LRRC56: variants seen among roughly 807,000 people sequenced by gnomAD.
The protein encoded by LRRC56 is leucine rich repeat containing 56.
In LRRC56, 41 loss-of-function variants were observed where a neutral mutation model predicts 47.8. The observed-to-expected ratio is 0.86, with a 90% CI of 0.67 to 1.11. LRRC56 has a LOEUF of 1.11. Among genes scored for constraint, LRRC56 ranks in the 50% most tolerant of loss-of-function variants. The probability of loss-of-function intolerance (pLI) is 0.00; values close to 1 mark genes in which losing one functional copy is unlikely to be tolerated. For synonymous variants in LRRC56, 387 were observed against 311.2 expected (o/e 1.24, Z -2.56); for missense variants, 759 against 704.2 (o/e 1.08, Z -0.88).
the LRRC56 span, among the ~76,000 whole-genome samples, chr11:526,526 G>A: frequency 4.7e-4 from 71 of 152,316 alleles, no homozygotes; most frequent in Admixed American, 3.7e-3. Flanking sequence ...CTACGTCCTC[G>A]GGGGGCACGG....
In LRRC56 at chr11:552,659, G is replaced by A; in HGVS notation, c.1272G>A (p.Gln424=). The change falls in exon 13 of 14, where the codon CAG becomes CAA. Residue 424 remains glutamine (Q), a synonymous_variant. Coordinates refer to ENST00000270115, the MANE Select transcript of LRRC56 (RefSeq NM_198075.4). ...GGGTCCCTGAAGAGCAAGTGCACCA[G>A]GCAGAGCCCAAGACTCCCTCCAGCC... The part of the protein sequence containing the change: ...PRRVPEEQVH[Q]AEPKTPSSPP... 3.1e-6 allele frequency: 5 copies of A among 1,611,678 alleles called. No individual in the cohort carries two copies. The highest frequency in any genetic ancestry group is 3.4e-6 in the Non-Finnish European group (4 of 1,179,328).
At position 537,585 on chromosome 11, in the gene LRRC56, A is replaced by G. The variant is rs1851576404; in HGVS notation, c.-442A>G. 1 of 152,300 alleles carries G rather than the reference A, an allele frequency of 6.6e-6. No individual in the cohort carries two copies. Among genetic ancestry groups the G allele is most frequent in the South Asian group, 2.1e-4 (1 of 4,834 alleles). 9.4% of individuals were successfully genotyped at this position (152,300 alleles called of 1,614,324 possible). ...CCCAGGGCCGAGCTGCCAGGGCCGG[A>G]CACCTAGGCTGAGCCCTCAGGTGAG... is the stretch of plus-strand genomic sequence containing the variant. On this transcript the variant is annotated 5_prime_UTR_variant, in exon 1 of 14. Coordinates refer to ENST00000270115, the MANE Select transcript of LRRC56 (RefSeq NM_198075.4).
chr11:508,691 C>T, the LRRC56 span, among the ~76,000 whole-genome samples: 2 of 151,458 alleles, frequency 1.3e-5, no homozygotes, highest in African/African-American at 2.4e-5. Flanking sequence ...CGCTTGAACA[C>T]GGGAAGCAGA....
chr11:527,355 G>A, the LRRC56 span, among the ~76,000 whole-genome samples: 10 of 152,060 alleles, frequency 6.6e-5, no homozygotes, highest in Non-Finnish European at 1.2e-4. Context: ...AGCACCTTGC[G>A]CAGTGAACTC....
chr11:536,773 A>G (rs45586832), upstream of LRRC56: 14,578 of 152,314 alleles, frequency 0.096, 855 homozygotes, highest in South Asian at 0.19. Context: ...CAAAACAAAA[A>G]AGGCGTTTTA....
At chr11:548,567 C>T (rs750888439) in intron 6 of LRRC56, among the ~76,000 whole-genome samples, 2 of 152,220 alleles carry the variant, frequency 1.3e-5, no homozygotes, top group Non-Finnish European at 2.9e-5. Context: ...AAGCGATTCT[C>T]CTGCCTCAGC....
At chr11:518,912 T>A in the LRRC56 span, among the ~76,000 whole-genome samples, 2 of 142,974 alleles carry the variant, frequency 1.4e-5, no homozygotes, top group African/African-American at 5.3e-5. Flanking sequence ...CGGGGGGGCG[T>A]GTCTCCCGGT....
At chr11:527,833 T>C in the LRRC56 span, among the ~76,000 whole-genome samples, 1 of 152,032 alleles carries the variant, frequency 6.6e-6, no homozygotes, top group East Asian at 1.9e-4. Flanking sequence ...CCCAAGTAGC[T>C]GGGATTACAG....
Position 551,206 on chromosome 11 carries a change from GCC to G in LRRC56, c.701_702del (p.Ala234GlyfsTer43). On this transcript the variant is annotated frameshift_variant, in exon 9 of 14. Transcript: ENST00000270115. LOFTEE classifies it high-confidence loss of function. ...GCTGCAGGTCCTGGACGAAGTGCCG[GCC>G]GCACACACAGGCCCACCGGCCCCCC... is the stretch of plus-strand genomic sequence containing the variant. Reference protein sequence around the residue: ...PQLQVLDEVPAAHTGPPAPPR... With the variant: ...PQLQVLDEVPXAHTGPPAPPR... 6.5e-7 allele frequency: 1 copy of G among 1,547,224 alleles called. No homozygotes were observed. The highest frequency in any genetic ancestry group is 1.4e-5 in the African/African-American group (1 of 72,992).
At chr11:539,516 C>G (rs985073305) in intron 2 of LRRC56, 64 bp from the exon 3 acceptor site, 4 of 150,912 alleles carry the variant, frequency 2.7e-5, no homozygotes, top group African/African-American at 9.8e-5. Flanking sequence ...TCCCAAGTAG[C>G]TGGGACTACA....
chr11:543,208 G>GT (rs71022930), intron 5 of LRRC56, among the ~76,000 whole-genome samples: 81,524 of 148,974 alleles, frequency 0.55, 23,126 homozygotes, highest in African/African-American at 0.71. Flanking sequence ...CCTGTTTTTT[G>GT]TTTTTTTCAT....
In LRRC56 at chr11:552,599, A is replaced by T. The variant is rs1417198279; in HGVS notation, c.1212A>T (p.Gln404His). 6.2e-7 allele frequency: 1 copy of T among 1,609,166 alleles called. No individual in the cohort carries two copies. Among genetic ancestry groups the T allele is most frequent in the Non-Finnish European group, 8.5e-7 (1 of 1,178,260 alleles). Residue 404 changes from glutamine to histidine, a missense_variant, in exon 13 of 14, where the codon CAA (glutamine) becomes CAT (histidine). Coordinates refer to ENST00000270115, the MANE Select transcript of LRRC56 (RefSeq NM_198075.4). ...RPLPYRHPES[Q>H]QEGAVAPWGP... Reference sequence around the variant, plus strand: ...TCCCCTATAGGCACCCGGAGTCCCAACAGGAAGGGGCTGTAGCCCCCTGGG... The same window carrying T: ...TCCCCTATAGGCACCCGGAGTCCCATCAGGAAGGGGCTGTAGCCCCCTGGG...
At chr11:534,096 G>A, upstream of LRRC56, 8 of 1,169,800 alleles carry the variant, frequency 6.8e-6, no homozygotes, top group African/African-American at 4.5e-5. Flanking sequence ...GAGGAAGCAG[G>A]AGACAGGGCC....
At chr11:508,153 C>T in the LRRC56 span, among the ~76,000 whole-genome samples, 1 of 152,230 alleles carries the variant, frequency 6.6e-6, no homozygotes, top group Non-Finnish European at 1.5e-5. Flanking sequence ...TAAACCTCTC[C>T]TCTGACTGCC....
rs1447299082 is a variant in LRRC56 at position 554,690 on chromosome 11, C to T, written c.*414C>T. 2 of 431,504 alleles carry T rather than the reference C, an allele frequency of 4.6e-6. No individual in the cohort carries two copies. Among genetic ancestry groups the T allele is most frequent in the South Asian group, 3.3e-5 (1 of 29,876 alleles). The allele number at this position is 431,504 out of a possible 1,614,324, so 26.7% of individuals were successfully genotyped here. A position where few individuals can be genotyped will look rare whatever the true frequency, so the allele number is the denominator to read the frequency against. Reference sequence around the variant, plus strand: ...AGGGTAAGAGCCACCTCCTAGGCCGCAGTGGCCCAAGGTCCCAGCTGCTCG... The same window carrying T: ...AGGGTAAGAGCCACCTCCTAGGCCGTAGTGGCCCAAGGTCCCAGCTGCTCG... On this transcript the variant is annotated 3_prime_UTR_variant, in exon 14 of 14. Coordinates refer to ENST00000270115, the MANE Select transcript of LRRC56 (RefSeq NM_198075.4).
At chr11:549,863 G>C (rs1180930829) in intron 6 of LRRC56, 39 bp from the exon 7 acceptor site, 3 of 1,574,052 alleles carry the variant, frequency 1.9e-6, no homozygotes. Flanking sequence ...TGAGCACAGG[G>C]CTGGGCACAT....
chr11:552,590 G>A lies in LRRC56; in HGVS notation c.1203G>A (p.Pro401=), dbSNP rs373706195. The change falls in exon 13 of 14, where the codon CCG becomes CCA. Residue 401 remains proline, a synonymous_variant. Coordinates refer to ENST00000270115, the MANE Select transcript of LRRC56 (RefSeq NM_198075.4). ...CTAGCCCCCTCCCCTATAGGCACCCGGAGTCCCAACAGGAAGGGGCTGTAG... is the reference window on the plus strand; with the variant it reads ...CTAGCCCCCTCCCCTATAGGCACCCAGAGTCCCAACAGGAAGGGGCTGTAG... ...HGVRPLPYRH[P]ESQQEGAVAP... 55 of 1,599,112 alleles carry A rather than the reference G, an allele frequency of 3.4e-5. No individual in the cohort carries two copies. The highest frequency in any genetic ancestry group is 2.1e-4 in the African/African-American group (16 of 74,504).
chr11:531,900 C>T, the LRRC56 span, among the ~76,000 whole-genome samples: 4 of 152,214 alleles, frequency 2.6e-5, no homozygotes, highest in Non-Finnish European at 4.4e-5. Flanking sequence ...TGCCTCTCAC[C>T]GCCAAGAAGG....
intron 13 of LRRC56, 39 bp downstream of exon 13, chr11:552,741 T>C: frequency 1.9e-6 from 3 of 1,558,474 alleles, no homozygotes; most frequent in Non-Finnish European, 2.6e-6. Context: ...TGCCTGGGAG[T>C]GACCAACACC....
Sources: allele counts gnomAD v4.1 joint callset (sites outside exome capture counted in the v4.1 genomes callset), GRCh38; gene constraint gnomAD v4.1.1; transcripts MANE v1.5; gene names NCBI Gene and HGNC (gene_info 2026-07-23, HGNC 2026-07-21).